SCAI: variants seen among roughly 807,000 people sequenced by gnomAD.
SCAI encodes suppressor of cancer cell invasion, also known as protein SCAI.
A neutral mutation model predicts 92.2 loss-of-function variants in SCAI; 24 were observed. The ratio of observed to expected loss-of-function variants is 0.26; its 90% CI spans 0.19 to 0.37. The LOEUF (loss-of-function observed/expected upper bound fraction) is 0.37. Ranked by LOEUF, SCAI falls within the 10% of genes least tolerant of loss-of-function variation. SCAI has a pLI of 1.00. For synonymous variants in SCAI, 261 were observed against 258.6 expected, an observed-to-expected ratio of 1.01 and a Z score of -0.09; for missense variants, 450 against 736.2, an observed-to-expected ratio of 0.61 and a Z score of 4.50.
At chr9:125,045,600 TGC>T (rs1833417752) in intron 3 of SCAI, among the ~76,000 whole-genome samples, 1 of 152,202 alleles carries the variant, frequency 6.6e-6, no homozygotes. Context: ...CCTCCCAAAG[TGC>T]TGGAATTACA....
At chr9:124,985,871 A>AG (rs1177311735) in intron 14 of SCAI, among the ~76,000 whole-genome samples, 4 of 151,864 alleles carry the variant, frequency 2.6e-5, no homozygotes, top group African/African-American at 9.7e-5. Context: ...CTCAATAAAA[A>AG]AAAAAAAAAA....
chr9:125,004,759 ATATATATATATATATATATATTTTTTTTT>A (rs1446071035), intron 9 of SCAI, among the ~76,000 whole-genome samples: 8 of 9,836 alleles, frequency 8.1e-4, no homozygotes, highest in African/African-American at 2.8e-3. Flanking sequence ...ATATATATAT[ATATATATATATATATATATATTTTTTTTT>A]TTTTTTTTTT....
intron 2 of SCAI, among the ~76,000 whole-genome samples, chr9:125,131,088 A>G (rs1835390077): frequency 6.6e-6 from 1 of 151,700 alleles, no homozygotes; most frequent in African/African-American, 2.4e-5. Flanking sequence ...CACCACATCC[A>G]GCTAACAAAC....
chr9:125,092,778 A>T (rs1292842241), intron 2 of SCAI, among the ~76,000 whole-genome samples: 1 of 152,198 alleles, frequency 6.6e-6, no homozygotes, highest in Non-Finnish European at 1.5e-5. Context: ...TTTCTAGCTC[A>T]CATGCTCCTC....
rs1278776862 is a variant in SCAI at position 124,968,354 on chromosome 9, A to G, written c.1674+3016T>C. On this transcript the variant is annotated intron_variant, in intron 17 of 17. Transcript: ENST00000336505. ...AGTCCAGTTTGGTTTTTAAGGCTTTAGTGAGCTCTGCAGCGAGCACATCAT... is the reference window on the plus strand; with the variant it reads ...AGTCCAGTTTGGTTTTTAAGGCTTTGGTGAGCTCTGCAGCGAGCACATCAT... The G allele has an allele frequency of 3.3e-6, 4 of 1,201,136 alleles. No individual in the cohort carries two copies. In the African/African-American group the frequency reaches 6.0e-5, roughly 18 times the overall value. 74.4% of individuals were successfully genotyped at this position (1,201,136 alleles called of 1,614,324 possible).
chr9:124,981,554 G>C (rs1831886589), intron 14 of SCAI, among the ~76,000 whole-genome samples: 2 of 152,114 alleles, frequency 1.3e-5, no homozygotes, highest in Admixed American at 6.6e-5. Context: ...CAGTGCTTTA[G>C]TTAAGAACAC....
chr9:125,002,838 G>C (rs968844178), intron 11 of SCAI, among the ~76,000 whole-genome samples: 1 of 150,216 alleles, frequency 6.7e-6, no homozygotes, highest in Non-Finnish European at 1.5e-5. Flanking sequence ...GGAGGAAGGA[G>C]AACCACTATT....
At chr9:125,016,387 C>CAATAAAAAAATA (rs1832760426) in intron 9 of SCAI, among the ~76,000 whole-genome samples, 1 of 131,650 alleles carries the variant, frequency 7.6e-6, no homozygotes, top group Non-Finnish European at 1.6e-5. Flanking sequence ...GACTCTGTCT[C>CAATAAAAAAATA]AATAAATAAA....
chr9:125,023,731 C>A (rs542213162), intron 6 of SCAI, among the ~76,000 whole-genome samples: 74 of 151,774 alleles, frequency 4.9e-4, no homozygotes, highest in Non-Finnish European at 9.3e-4. Context: ...TGGGCCCAAT[C>A]TGGCATGCAA....
chr9:125,105,865 G>A (rs1372969470), intron 2 of SCAI, among the ~76,000 whole-genome samples: 1 of 151,514 alleles, frequency 6.6e-6, no homozygotes, highest in African/African-American at 2.4e-5. Context: ...CTGGGAGGCC[G>A]AGGCAGGCAG....
intron 2 of SCAI, among the ~76,000 whole-genome samples, chr9:125,096,153 G>A (rs1358092514): frequency 6.6e-6 from 1 of 152,178 alleles, no homozygotes; most frequent in Non-Finnish European, 1.5e-5. Flanking sequence ...AGGAAAAAGG[G>A]TTTAATGGGG....
chr9:125,052,740 T>C (rs1005812931), intron 3 of SCAI, among the ~76,000 whole-genome samples: 15 of 152,136 alleles, frequency 9.9e-5, no homozygotes, highest in Non-Finnish European at 1.9e-4. Flanking sequence ...TATAAATTAA[T>C]AATTTTAAAA....
At chr9:125,100,712 C>T (rs116995046) in intron 2 of SCAI, among the ~76,000 whole-genome samples, 1 of 152,056 alleles carries the variant, frequency 6.6e-6, no homozygotes, top group African/African-American at 2.4e-5. Context: ...GGAGAAAAAG[C>T]AAGCAGACAA....
intron 3 of SCAI, among the ~76,000 whole-genome samples, chr9:125,053,764 A>C (rs1410737070): frequency 6.6e-6 from 1 of 152,200 alleles, no homozygotes; most frequent in Non-Finnish European, 1.5e-5. Flanking sequence ...CTCTGCAAAC[A>C]TACCAAACTT....
intron 2 of SCAI, among the ~76,000 whole-genome samples, chr9:125,058,436 A>G (rs1406553625): frequency 2.0e-5 from 3 of 152,008 alleles, no homozygotes; most frequent in Non-Finnish European, 2.9e-5. Flanking sequence ...AATCACGTGA[A>G]CCCGGGAGGC....
At chr9:125,000,038 C>T in intron 12 of SCAI, 48 bp from the exon 13 acceptor site, 1 of 802,088 alleles carries the variant, frequency 1.2e-6, no homozygotes, top group Non-Finnish European at 2.0e-6. Flanking sequence ...AAGACTAACA[C>T]TGACCTGATG....
intron 2 of SCAI, among the ~76,000 whole-genome samples, chr9:125,063,680 C>CA (rs139233843): frequency 0.035 from 5,008 of 144,376 alleles, 227 homozygotes; most frequent in African/African-American, 0.11. Flanking sequence ...AAGTCCCCCT[C>CA]AAAAAAAAAA....
chr9:125,075,365 A>T (rs956589034), intron 2 of SCAI, among the ~76,000 whole-genome samples: 1 of 151,920 alleles, frequency 6.6e-6, no homozygotes, highest in African/African-American at 2.4e-5. Context: ...CTATATTTCT[A>T]TTTAGTCTGT....
At chr9:125,031,251 A>G (rs952812477) in intron 3 of SCAI, among the ~76,000 whole-genome samples, 3 of 151,996 alleles carry the variant, frequency 2.0e-5, no homozygotes, top group Non-Finnish European at 4.4e-5. Context: ...CAAGATTTGT[A>G]CTATTGAGGT....
Sources: allele counts gnomAD v4.1 joint callset (sites outside exome capture counted in the v4.1 genomes callset), GRCh38; gene constraint gnomAD v4.1.1; transcripts MANE v1.5; gene names NCBI Gene and HGNC (gene_info 2026-07-23, HGNC 2026-07-21).